Variants in MBD5 observed in about 807,000 individuals in gnomAD.
MBD5 encodes the protein methyl-CpG binding domain protein 5, also known as methyl-CpG-binding domain protein 5.
Under a neutral mutation model 117.3 loss-of-function variants are expected in MBD5, and 13 were observed. That is an observed-to-expected ratio of 0.11 (90% CI 0.07 to 0.18). The LOEUF (loss-of-function observed/expected upper bound fraction) is 0.18, where lower values mean the gene tolerates loss of function less well. Among genes scored for constraint, MBD5 ranks in the 10% least tolerant of loss-of-function variants. MBD5 has a pLI of 1.00. For synonymous variants in MBD5, 727 were observed against 766.4 expected, an observed-to-expected ratio of 0.95 and a Z score of 0.85; for missense variants, 1,879 against 2,093.8, an observed-to-expected ratio of 0.90 and a Z score of 2.00.
intron 3 of MBD5, among the ~76,000 whole-genome samples, chr2:148,324,151 G>A (rs202017680): frequency 1.3e-5 from 2 of 152,130 alleles, no homozygotes; most frequent in South Asian, 4.1e-4. Context: ...TCAGGTAGTT[G>A]TAGATATGTG....
At chr2:148,300,578 G>C (rs1173170080) in intron 3 of MBD5, among the ~76,000 whole-genome samples, 1 of 152,024 alleles carries the variant, frequency 6.6e-6, no homozygotes, top group African/African-American at 2.4e-5. Context: ...TCCTCAGCTA[G>C]TGGATATTTG....
chr2:148,052,962 CAAAA>C (rs780207792), intron 1 of MBD5, among the ~76,000 whole-genome samples: 10 of 102,642 alleles, frequency 9.7e-5, no homozygotes, highest in African/African-American at 3.9e-4. Flanking sequence ...GAGTTCGTCT[CAAAA>C]AAAAAAAAAA....
At chr2:148,478,703 C>G (rs533940884) in intron 8 of MBD5, among the ~76,000 whole-genome samples, 42 of 152,284 alleles carry the variant, frequency 2.8e-4, no homozygotes, top group African/African-American at 1.0e-3. Flanking sequence ...TTCTCTCCTA[C>G]TCTTGAAAAG....
intron 1 of MBD5, among the ~76,000 whole-genome samples, chr2:148,133,229 A>G (rs1353630347): frequency 6.6e-5 from 10 of 152,214 alleles, no homozygotes; most frequent in Admixed American, 6.5e-4. Flanking sequence ...TTAAAAGACA[A>G]TACATATATT....
intron 4 of MBD5, among the ~76,000 whole-genome samples, chr2:148,429,215 C>T (rs778132657): frequency 1.3e-5 from 2 of 152,048 alleles, no homozygotes; most frequent in Non-Finnish European, 2.9e-5. Flanking sequence ...CAAAAGAAGA[C>T]ATTTATGCAG....
intron 4 of MBD5, among the ~76,000 whole-genome samples, chr2:148,392,070 T>G (rs75658515): frequency 3.9e-5 from 6 of 152,028 alleles, no homozygotes; most frequent in African/African-American, 1.4e-4. Flanking sequence ...AGCTCATTGG[T>G]TTTTTTTCTG....
At position 148,469,648 on chromosome 2, in the gene MBD5, C is replaced by T; in HGVS notation, c.1705C>T (p.His569Tyr). ...GMPLNQILNQ[H>Y]NAASFPASSL... ...GCCTTTAAATCAGATCTTGAACCAGCACAATGCTGCCTCCTTTCCAGCAAG... is the reference window on the plus strand; with the variant it reads ...GCCTTTAAATCAGATCTTGAACCAGTACAATGCTGCCTCCTTTCCAGCAAG... The change falls in exon 8 of 14, where the codon CAC becomes TAC. Residue 569 changes from histidine to tyrosine, a missense_variant. His to Tyr is a moderately conservative substitution (Grantham distance 83, BLOSUM62 2). Around this residue, in one of 4 missense-constraint regions of MBD5, gnomAD observed 1,666 missense variants for 1,792.2 expected, o/e 0.93. Coordinates refer to ENST00000642680, the MANE Select transcript of MBD5 (RefSeq NM_001378120.1). 6.2e-7 allele frequency: 1 copy of T among 1,613,992 alleles called. No homozygotes were observed. Among genetic ancestry groups the T allele is most frequent in the South Asian group, 1.1e-5 (1 of 91,076 alleles).
intron 1 of MBD5, among the ~76,000 whole-genome samples, chr2:148,075,748 GGA>G (rs1695493651): frequency 6.6e-6 from 1 of 151,562 alleles, no homozygotes; most frequent in Non-Finnish European, 1.5e-5. Flanking sequence ...GTCTCACTCA[GGA>G]TTAATAATTG....
intron 4 of MBD5, among the ~76,000 whole-genome samples, chr2:148,384,283 G>A (rs1191792240): frequency 1.3e-5 from 2 of 152,168 alleles, no homozygotes; most frequent in Non-Finnish European, 2.9e-5. Flanking sequence ...CAAAATCCAT[G>A]TGCTAAAATC....
chr2:148,109,670 G>A (rs1335286339), intron 1 of MBD5, among the ~76,000 whole-genome samples: 35 of 152,094 alleles, frequency 2.3e-4, no homozygotes, highest in Non-Finnish European at 1.0e-4. Flanking sequence ...TTTAAAATAT[G>A]CAGTTTTGTG....
rs148643645 is a variant in MBD5, at chr2:148,493,400, T to A, written c.4962+2806T>A. On this transcript the variant is annotated intron_variant, in intron 11 of 13. Coordinates refer to ENST00000642680, the MANE Select transcript of MBD5 (RefSeq NM_001378120.1). ...CCTGACTCCACCCTACAACATATCA[T>A]TTATTATTTTCAGTTACAGGCTTTG... Among the ~76,000 whole-genome samples, 29 of 152,360 alleles carry A rather than the reference T, an allele frequency of 1.9e-4. 1 individual carries two copies. In the East Asian group the frequency reaches 5.6e-3, roughly 29 times the overall value.
At chr2:148,436,159 G>A (rs1279852931) in intron 4 of MBD5, among the ~76,000 whole-genome samples, 1 of 152,102 alleles carries the variant, frequency 6.6e-6, no homozygotes. Context: ...ATCTGTGTAG[G>A]AATTCTGCCT....
intron 4 of MBD5, among the ~76,000 whole-genome samples, chr2:148,438,123 T>A (rs1249723755): frequency 6.6e-6 from 1 of 152,214 alleles, no homozygotes; most frequent in African/African-American, 2.4e-5. Context: ...GTCTTACATA[T>A]TTTGTACATC....
At chr2:148,396,434 T>G (rs1438924891) in intron 4 of MBD5, among the ~76,000 whole-genome samples, 1 of 151,944 alleles carries the variant, frequency 6.6e-6, no homozygotes, top group Non-Finnish European at 1.5e-5. Context: ...TTGATTTCCA[T>G]GAATCTACAC....
intron 1 of MBD5, among the ~76,000 whole-genome samples, chr2:148,115,556 C>G (rs140301128): frequency 1.3e-5 from 2 of 152,078 alleles, no homozygotes; most frequent in Non-Finnish European, 1.5e-5. Context: ...CCTCCTTTAG[C>G]GAATTTTCTA....
intron 4 of MBD5, among the ~76,000 whole-genome samples, chr2:148,397,734 GT>G (rs1245347465): frequency 2.6e-5 from 4 of 152,052 alleles, no homozygotes; most frequent in Admixed American, 6.6e-5. Context: ...CATGTGCCAT[GT>G]TGGTGTGCTG....
chr2:148,138,830 C>G (rs1697234725), intron 1 of MBD5, among the ~76,000 whole-genome samples: 1 of 152,136 alleles, frequency 6.6e-6, no homozygotes, highest in African/African-American at 2.4e-5. Context: ...GAAAGAACCG[C>G]TAAAACATTG....
chr2:148,200,035 T>C (rs1215250612), intron 2 of MBD5, among the ~76,000 whole-genome samples: 1 of 152,190 alleles, frequency 6.6e-6, no homozygotes, highest in Non-Finnish European at 1.5e-5. Flanking sequence ...TATCCTCTTT[T>C]AAAATTACCT....
At chr2:148,443,703 T>C (rs1032837767) in intron 4 of MBD5, among the ~76,000 whole-genome samples, 4 of 150,744 alleles carry the variant, frequency 2.7e-5, no homozygotes, top group African/African-American at 7.4e-5. Context: ...ATTGAACTCA[T>C]AGAAATAGAA....
Sources: allele counts gnomAD v4.1 joint callset (sites outside exome capture counted in the v4.1 genomes callset), GRCh38; gene constraint gnomAD v4.1.1; regional missense constraint gnomAD v4.1.1; transcripts MANE v1.5; gene names NCBI Gene and HGNC (gene_info 2026-07-23, HGNC 2026-07-21).